The following DACH2 variants were observed in gnomAD, a reference collection of about 807,000 sequenced individuals.
DACH2 encodes the protein dachshund homolog 2.
Under a neutral mutation model 35.8 loss-of-function variants are expected in DACH2, and 17 were observed. The ratio of observed to expected loss-of-function variants is 0.48; its 90% CI spans 0.33 to 0.71. The LOEUF is 0.71. Among genes scored for constraint, DACH2 ranks in the 30% least tolerant of loss-of-function variants. DACH2 has a pLI of 0.02. For missense variants in DACH2, 469 were observed against 472.7 expected (o/e 0.99, Z 0.07); for synonymous variants, 195 against 177.3 (o/e 1.10, Z -0.79).
At chrX:86,577,293 T>C in intron 3 of DACH2, among the ~76,000 whole-genome samples, 1 of 110,765 alleles carries the variant, frequency 9.0e-6, no homozygotes, top group Middle Eastern at 4.7e-3. Flanking sequence ...AAGAAGTAGA[T>C]GTCTTTCAGG....
At chrX:86,180,125 A>G (rs1186649870) in intron 1 of DACH2, among the ~76,000 whole-genome samples, 11 of 95,982 alleles carry the variant, frequency 1.1e-4, no homozygotes, top group Non-Finnish European at 2.3e-4. Context: ...AATAGTAACC[A>G]TAATAATGAT....
intron 2 of DACH2, among the ~76,000 whole-genome samples, chrX:86,397,596 A>C (rs374095817): frequency 9.0e-6 from 1 of 111,604 alleles, no homozygotes; most frequent in Non-Finnish European, 1.9e-5. Flanking sequence ...AGTGTTTAGC[A>C]TGAAGGGTTG....
chrX:86,487,148 C>T (rs2038030077), intron 2 of DACH2, among the ~76,000 whole-genome samples: 1 of 111,221 alleles, frequency 9.0e-6, no homozygotes, highest in African/African-American at 3.3e-5. Context: ...AAAATCAGAA[C>T]ATAGAAGCTA....
chrX:86,435,609 T>C (rs2037055371), intron 2 of DACH2, among the ~76,000 whole-genome samples: 2 of 112,101 alleles, frequency 1.8e-5, no homozygotes, highest in Admixed American at 1.9e-4. Flanking sequence ...AATGTCCACA[T>C]CGATACAATT....
chrX:86,389,824 C>T (rs1569373840), intron 2 of DACH2, among the ~76,000 whole-genome samples: 2 of 112,125 alleles, frequency 1.8e-5, no homozygotes, highest in Non-Finnish European at 3.8e-5. Flanking sequence ...CCGAATTACT[C>T]GATAACGAGC....
chrX:86,427,805 T>C (rs1489653959), intron 2 of DACH2, among the ~76,000 whole-genome samples: 1 of 111,968 alleles, frequency 8.9e-6, no homozygotes, highest in Non-Finnish European at 1.9e-5. Context: ...GAAATATGAA[T>C]CAAATGACCT....
At chrX:86,571,161 T>A (rs988465175) in intron 3 of DACH2, among the ~76,000 whole-genome samples, 25 of 111,096 alleles carry the variant, frequency 2.3e-4, no homozygotes, top group Non-Finnish European at 2.3e-4. Context: ...ACATGAATAT[T>A]CAATTTTCCC....
intron 1 of DACH2, among the ~76,000 whole-genome samples, chrX:86,274,645 C>G (rs984140394): frequency 4.6e-5 from 5 of 107,761 alleles, no homozygotes; most frequent in Non-Finnish European, 9.6e-5. Flanking sequence ...CAGGTGCCTG[C>G]CACCACGCCC....
intron 1 of DACH2, among the ~76,000 whole-genome samples, chrX:86,331,413 G>A (rs1293772458): frequency 9.1e-6 from 1 of 110,295 alleles, no homozygotes; most frequent in East Asian, 2.9e-4. Flanking sequence ...CTGCTACCTC[G>A]AGCTTTAGAA....
intron 1 of DACH2, among the ~76,000 whole-genome samples, chrX:86,208,171 T>G (rs2147910678): frequency 9.1e-6 from 1 of 110,143 alleles, no homozygotes; most frequent in East Asian, 2.8e-4. Flanking sequence ...TATGAATATA[T>G]CATAAATGTT....
intron 2 of DACH2, among the ~76,000 whole-genome samples, chrX:86,397,569 A>G (rs751137359): frequency 1.8e-5 from 2 of 111,785 alleles, no homozygotes; most frequent in Admixed American, 9.5e-5. Flanking sequence ...CGTCCCATCA[A>G]TACCTAATTT....
chrX:86,246,391 G>GA (rs35368406), intron 1 of DACH2, among the ~76,000 whole-genome samples: 46,414 of 109,434 alleles, frequency 0.42, 7,327 homozygotes, highest in South Asian at 0.75. Context: ...CAACAGGAAA[G>GA]AAAAAACATT....
In DACH2 at chrX:86,190,935, A is replaced by G. The variant is rs2031814954; in HGVS notation, c.488+41827A>G. Among the ~76,000 whole-genome samples, 3 of 111,198 alleles carry G rather than the reference A, an allele frequency of 2.7e-5. No homozygotes were observed. The Admixed American group carries it at 2.9e-4, about 11-fold the overall frequency. ...CTCCAGCCTGGGCAACAAGGGCAAAACTTCATCTCAAAAATAAATAAATAA... is the reference window on the plus strand; with the variant it reads ...CTCCAGCCTGGGCAACAAGGGCAAAGCTTCATCTCAAAAATAAATAAATAA... On this transcript the variant is annotated intron_variant, in intron 1 of 11. Transcript: ENST00000373125.
At position 86,349,729 on chromosome X, in the gene DACH2, T is replaced by A. The variant is rs1370262130; in HGVS notation, c.489-27095T>A. ...CAAATTGATCTCATTCTGATTAAGG[T>A]GGTAAATTTGAATGGGAAGCTGCAT... is the stretch of plus-strand genomic sequence containing the variant. On this transcript the variant is annotated intron_variant, in intron 1 of 11. Coordinates refer to ENST00000373125, the MANE Select transcript of DACH2 (RefSeq NM_053281.3). 3.5e-5 allele frequency among the ~76,000 whole-genome samples: 4 copies of A among 112,746 alleles called. No homozygotes were observed. The East Asian group carries it at 1.1e-3, about 31-fold the overall frequency.
chrX:86,389,305 G>T (rs2036166618), intron 2 of DACH2, among the ~76,000 whole-genome samples: 1 of 111,669 alleles, frequency 9.0e-6, no homozygotes, highest in African/African-American at 3.3e-5. Flanking sequence ...GAGTTTTAAG[G>T]GAATATTTCA....
At chrX:86,490,051 T>G (rs925086631) in intron 2 of DACH2, among the ~76,000 whole-genome samples, 1 of 112,063 alleles carries the variant, frequency 8.9e-6, no homozygotes, top group Non-Finnish European at 1.9e-5. Flanking sequence ...GAAGGAATGC[T>G]AAACTCTTTT....
At chrX:86,602,573 G>T (rs1385917434) in intron 3 of DACH2, among the ~76,000 whole-genome samples, 1 of 111,789 alleles carries the variant, frequency 8.9e-6, no homozygotes, top group Non-Finnish European at 1.9e-5. Flanking sequence ...TCTAATTGTG[G>T]TAGTCATTTG....
intron 4 of DACH2, among the ~76,000 whole-genome samples, chrX:86,674,530 T>C (rs1404964591): frequency 8.9e-6 from 1 of 112,402 alleles, no homozygotes; most frequent in Non-Finnish European, 1.9e-5. Context: ...AAGAGCAGAA[T>C]AGAATCATAT....
intron 1 of DACH2, among the ~76,000 whole-genome samples, chrX:86,299,175 A>G (rs2034525084): frequency 8.9e-6 from 1 of 112,528 alleles, no homozygotes; most frequent in Non-Finnish European, 1.9e-5. Flanking sequence ...TTTATAAGGT[A>G]CACAAATGTT....
Sources: allele counts gnomAD v4.1 joint callset (sites outside exome capture counted in the v4.1 genomes callset), GRCh38; gene constraint gnomAD v4.1.1; transcripts MANE v1.5; gene names NCBI Gene and HGNC (gene_info 2026-07-23, HGNC 2026-07-21).